Variants in CA1 observed in about 807,000 individuals in gnomAD.
The protein encoded by CA1 is carbonic anhydrase 1.
A neutral mutation model predicts 28.8 loss-of-function variants in CA1; 27 were observed. That is an observed-to-expected ratio of 0.94 (90% confidence interval 0.69 to 1.29). CA1 has a LOEUF of 1.29. Ranked by LOEUF, CA1 falls within the 50% of genes most tolerant of loss-of-function variation. The pLI is 0.00. For missense variants in CA1, 335 were observed against 310.5 expected (o/e 1.08, Z -0.59); for synonymous variants, 121 against 108.8 (o/e 1.11, Z -0.70).
intron 1 of CA1, among the ~76,000 whole-genome samples, chr8:85,350,917 T>A (rs115082683): frequency 6.6e-6 from 1 of 152,220 alleles, no homozygotes; most frequent in African/African-American, 2.4e-5. Flanking sequence ...TTCCTAGGGG[T>A]GCTTGCTAGC....
chr8:85,335,921 AT>A (rs1808635824), intron 4 of CA1, among the ~76,000 whole-genome samples: 1 of 152,228 alleles, frequency 6.6e-6, no homozygotes, highest in Non-Finnish European at 1.5e-5. Context: ...GAAGATACAT[AT>A]ACTTTGTAAC....
intron 1 of CA1, among the ~76,000 whole-genome samples, chr8:85,357,132 C>T (rs1274339634): frequency 6.6e-6 from 1 of 152,164 alleles, no homozygotes; most frequent in Admixed American, 6.5e-5. Flanking sequence ...TAAATAGCTT[C>T]GTGTCAGGTC....
intron 6 of CA1, among the ~76,000 whole-genome samples, chr8:85,331,011 C>T (rs1215928938): frequency 1.3e-5 from 2 of 152,134 alleles, no homozygotes; most frequent in East Asian, 3.9e-4. Flanking sequence ...TTCATCTGGG[C>T]ACTTTAGTTA....
At chr8:85,366,580 G>A (rs1810016797) in intron 1 of CA1, among the ~76,000 whole-genome samples, 1 of 152,132 alleles carries the variant, frequency 6.6e-6, no homozygotes, top group East Asian at 1.9e-4. Context: ...ATTATAAATG[G>A]ACATAGAGTT....
chr8:85,336,959 T>A lies in CA1; in HGVS notation c.340A>T (p.Lys114Ter). 6.3e-7 allele frequency: 1 copy of A among 1,598,948 alleles called. No individual in the cohort carries two copies. Among genetic ancestry groups the A allele is most frequent in the Non-Finnish European group, 8.6e-7 (1 of 1,166,318 alleles). The change falls in exon 4 of 8, where the codon AAA (lysine) becomes TAA (stop). Residue 114 changes from lysine (K) to a stop codon, truncating the protein, a stop_gained. Transcript: ENST00000523022. LOFTEE classifies it high-confidence loss of function. ...HGSEHTVDGVKYSAELHVAHW... is the reference protein window; with the variant it reads ...HGSEHTVDGV ...AATTACATTACCTCGGCAGAATATT[T>A]GACTCCATCCACTGTATGTTCTGAA...
chr8:85,364,562 A>G (rs1809930368), intron 1 of CA1, among the ~76,000 whole-genome samples: 1 of 152,212 alleles, frequency 6.6e-6, no homozygotes, highest in Admixed American at 6.5e-5. Flanking sequence ...TCTACAGAAC[A>G]TTAGTGATGT....
In CA1 at chr8:85,339,857, G is replaced by A. The variant is rs143570974; in HGVS notation, c.38-1408C>T. On this transcript the variant is annotated intron_variant, in intron 2 of 7. Coordinates refer to ENST00000523022, the MANE Select transcript of CA1 (RefSeq NM_001128831.4). ...TCCCTTAAGCCGAATCCTAATGAGAGCAAGGCTATAGCTCTTTTTAATTCT... is the reference window on the plus strand; with the variant it reads ...TCCCTTAAGCCGAATCCTAATGAGAACAAGGCTATAGCTCTTTTTAATTCT... Among the ~76,000 whole-genome samples the A allele has an allele frequency of 1.7e-3, 261 of 152,324 alleles. 2 individuals are homozygous for A. Among genetic ancestry groups the A allele is most frequent in the Non-Finnish European group, 3.0e-3 (203 of 68,022 alleles).
chr8:85,343,678 G>A (rs975318087), intron 1 of CA1, among the ~76,000 whole-genome samples: 2 of 152,094 alleles, frequency 1.3e-5, no homozygotes, highest in African/African-American at 4.8e-5. Flanking sequence ...ACTATGTGAT[G>A]ATTTGTCACA....
chr8:85,369,335 G>A (rs1469707695), intron 1 of CA1, among the ~76,000 whole-genome samples: 1 of 151,986 alleles, frequency 6.6e-6, no homozygotes. Flanking sequence ...GTTTCCTAAT[G>A]CTCTTGGTTA....
At position 85,335,525 on chromosome 8, in the gene CA1, C is replaced by G. The variant is rs115455270; in HGVS notation, c.354+1420G>C. 6.7e-3 allele frequency among the ~76,000 whole-genome samples: 1,025 copies of G among 152,260 alleles called. 11 individuals carry two copies. Among genetic ancestry groups the G allele is most frequent in the African/African-American group, 0.024 (979 of 41,564 alleles). On this transcript the variant is annotated intron_variant, in intron 4 of 7. Transcript: ENST00000523022. ...TCAAACCCTGGCAGTCAGCTGGGTA[C>G]TTGCATTCTTAAGCAACAGGCTGCA... is the stretch of plus-strand genomic sequence containing the variant.
chr8:85,364,922 G>T (rs1276386863), intron 1 of CA1, among the ~76,000 whole-genome samples: 2 of 152,204 alleles, frequency 1.3e-5, no homozygotes, highest in African/African-American at 4.8e-5. Flanking sequence ...CTGAGGGTGG[G>T]TGTGGGTGCT....
At chr8:85,348,952 G>A (rs766102636) in intron 1 of CA1, among the ~76,000 whole-genome samples, 5 of 152,146 alleles carry the variant, frequency 3.3e-5, no homozygotes, top group Non-Finnish European at 7.4e-5. Context: ...GGCTATGTCT[G>A]AGCTTCTAAG....
chr8:85,351,268 A>G (rs1385845780), intron 1 of CA1, among the ~76,000 whole-genome samples: 1 of 152,206 alleles, frequency 6.6e-6, no homozygotes, highest in Non-Finnish European at 1.5e-5. Context: ...TCACTGTGCC[A>G]TTTATTTTGG....
At chr8:85,349,183 T>C (rs1809313702) in intron 1 of CA1, among the ~76,000 whole-genome samples, 1 of 152,206 alleles carries the variant, frequency 6.6e-6, no homozygotes, top group African/African-American at 2.4e-5. Flanking sequence ...AATAGCCCAA[T>C]AGAATGAGAC....
At chr8:85,349,661 T>G (rs1394450233) in intron 1 of CA1, 1 of 152,196 alleles carries the variant, frequency 6.6e-6, no homozygotes, top group Non-Finnish European at 1.5e-5. Context: ...CCTGCCCAGC[T>G]CATGAAGCTA....
intron 1 of CA1, among the ~76,000 whole-genome samples, chr8:85,373,778 C>T (rs2130412255): frequency 6.6e-6 from 1 of 152,228 alleles, no homozygotes; most frequent in Non-Finnish European, 1.5e-5. Flanking sequence ...ATACATGCTA[C>T]AATATGGAGG....
chr8:85,370,907 C>T (rs1042809407), intron 1 of CA1, among the ~76,000 whole-genome samples: 3 of 152,038 alleles, frequency 2.0e-5, no homozygotes, highest in Non-Finnish European at 2.9e-5. Flanking sequence ...GTTAAATTTA[C>T]ATTTGCATAC....
At chr8:85,356,628 G>C (rs1427769517) in intron 1 of CA1, among the ~76,000 whole-genome samples, 14 of 152,076 alleles carry the variant, frequency 9.2e-5, no homozygotes, top group Admixed American at 6.5e-4. Flanking sequence ...TTTAACTGAA[G>C]TGAATACCAA....
rs565405139 is a variant in CA1 at position 85,335,859 on chromosome 8, A to C, written c.354+1086T>G. On this transcript the variant is annotated intron_variant, in intron 4 of 7. Transcript: ENST00000523022. ...AGGTGTTAGTCATGCTTTACAACAC[A>C]AGGTAAAGCAAGTTTTATTTGTATA... Among the ~76,000 whole-genome samples, 4 of 152,332 alleles carry C rather than the reference A, an allele frequency of 2.6e-5. No individual in the cohort carries two copies. The East Asian group carries it at 7.7e-4, about 29-fold the overall frequency.
Sources: allele counts gnomAD v4.1 joint callset (sites outside exome capture counted in the v4.1 genomes callset), GRCh38; gene constraint gnomAD v4.1.1; transcripts MANE v1.5; gene names NCBI Gene and HGNC (gene_info 2026-07-23, HGNC 2026-07-21).